Variants in KIAA1328 observed in about 807,000 individuals in gnomAD.
KIAA1328 encodes the protein protein hinderin.
KIAA1328 carries 52 observed loss-of-function variants against 68.1 expected under a neutral mutation model. That is an observed-to-expected ratio of 0.76 (90% confidence interval 0.61 to 0.96). The LOEUF is 0.96. KIAA1328 is among the 40% of genes least tolerant of loss of function. KIAA1328 has a pLI of 0.00. For synonymous variants in KIAA1328, 232 were observed against 239.4 expected, an observed-to-expected ratio of 0.97 and a Z score of 0.28; for missense variants, 641 against 677.6, an observed-to-expected ratio of 0.95 and a Z score of 0.60.
chr18:37,106,774 A>C (rs1440168397), intron 7 of KIAA1328, among the ~76,000 whole-genome samples: 4 of 152,196 alleles, frequency 2.6e-5, no homozygotes, highest in Non-Finnish European at 4.4e-5. Flanking sequence ...AATGCTTTTT[A>C]AAAATTGTTC....
chr18:36,849,897 T>TA (rs764167519), intron 4 of KIAA1328, among the ~76,000 whole-genome samples: 27 of 152,100 alleles, frequency 1.8e-4, no homozygotes, highest in Non-Finnish European at 3.7e-4. Flanking sequence ...TGCTAGTAGA[T>TA]ATGCAGTGGT....
At chr18:36,938,967 A>G (rs530479342) in intron 5 of KIAA1328, among the ~76,000 whole-genome samples, 5 of 152,252 alleles carry the variant, frequency 3.3e-5, no homozygotes, top group East Asian at 3.9e-4. Flanking sequence ...TTTTTATGCC[A>G]GTACCGTGCT....
chr18:36,855,122 T>C (rs1477359376), intron 4 of KIAA1328, among the ~76,000 whole-genome samples: 1 of 152,210 alleles, frequency 6.6e-6, no homozygotes, highest in African/African-American at 2.4e-5. Context: ...AACATTTATG[T>C]ACAAGGATTT....
chr18:37,217,324 T>A (rs2060463941), intron 9 of KIAA1328, among the ~76,000 whole-genome samples: 1 of 152,312 alleles, frequency 6.6e-6, no homozygotes, highest in Admixed American at 6.5e-5. Context: ...CCTTTCCATG[T>A]TTAGTGCTTC....
chr18:37,089,795 T>C (rs2057217910), intron 7 of KIAA1328, among the ~76,000 whole-genome samples: 1 of 152,230 alleles, frequency 6.6e-6, no homozygotes, highest in South Asian at 2.1e-4. Flanking sequence ...TCACATCTTA[T>C]TGGAGTATGC....
intron 6 of KIAA1328, among the ~76,000 whole-genome samples, chr18:37,004,283 C>T (rs2053694606): frequency 6.6e-6 from 1 of 151,808 alleles, no homozygotes; most frequent in Non-Finnish European, 1.5e-5. Flanking sequence ...TGTAATTTTC[C>T]TTGTAGGGGT....
At chr18:37,204,597 T>G (rs1200658947) in intron 9 of KIAA1328, among the ~76,000 whole-genome samples, 1 of 152,178 alleles carries the variant, frequency 6.6e-6, no homozygotes, top group African/African-American at 2.4e-5. Flanking sequence ...GCCAAAGCCC[T>G]TACTGAGTTT....
intron 5 of KIAA1328, among the ~76,000 whole-genome samples, chr18:36,909,988 T>C (rs1168183582): frequency 1.3e-5 from 2 of 152,176 alleles, no homozygotes; most frequent in African/African-American, 4.8e-5. Context: ...TTGTTTTTTT[T>C]GTGTAAATTT....
chr18:37,156,214 C>G (rs1208870673), intron 7 of KIAA1328, among the ~76,000 whole-genome samples: 2 of 151,920 alleles, frequency 1.3e-5, no homozygotes, highest in Non-Finnish European at 2.9e-5. Flanking sequence ...CGAGACCAGC[C>G]TCACCAACAT....
intron 9 of KIAA1328, among the ~76,000 whole-genome samples, chr18:37,180,005 A>G (rs911648257): frequency 5.3e-5 from 8 of 150,700 alleles, no homozygotes; most frequent in Non-Finnish European, 1.2e-4. Context: ...ACAGTGATCT[A>G]TTTTATCTCA....
chr18:37,077,697 G>GAC (rs2056793134), intron 7 of KIAA1328, among the ~76,000 whole-genome samples: 1 of 112,444 alleles, frequency 8.9e-6, no homozygotes, highest in African/African-American at 4.1e-5. Flanking sequence ...AACAGACAGA[G>GAC]AGCCAAATCA....
At position 37,096,237 on chromosome 18, in the gene KIAA1328, C is replaced by T. The variant is rs1231639806; in HGVS notation, c.1232+28692C>T. 3.3e-5 allele frequency among the ~76,000 whole-genome samples: 5 copies of T among 152,298 alleles called. No homozygotes were observed. In the East Asian group the frequency reaches 5.8e-4, roughly 18 times the overall value. On this transcript the variant is annotated intron_variant, in intron 7 of 9. Transcript: ENST00000280020. ...TGCTATCCCTCCCCGCTCCGCCCAC[C>T]CCACAACAGGCCCCGCTGTGTGATG... is the stretch of plus-strand genomic sequence containing the variant.
chr18:37,050,132 G>A (rs1599083739), intron 6 of KIAA1328, among the ~76,000 whole-genome samples: 2 of 151,454 alleles, frequency 1.3e-5, no homozygotes, highest in South Asian at 2.1e-4. Context: ...ATTGTTACTG[G>A]AGGACATAAA....
At chr18:37,139,287 G>A (rs375002271) in intron 7 of KIAA1328, among the ~76,000 whole-genome samples, 3 of 152,022 alleles carry the variant, frequency 2.0e-5, no homozygotes, top group East Asian at 3.9e-4. Flanking sequence ...TAAACACTTC[G>A]GTCTCAAAAT....
At chr18:36,874,440 G>A (rs1239413010) in intron 4 of KIAA1328, among the ~76,000 whole-genome samples, 2 of 152,194 alleles carry the variant, frequency 1.3e-5, no homozygotes, top group Admixed American at 1.3e-4. Flanking sequence ...GACCAGTGGT[G>A]ATGAGCTTTT....
chr18:36,955,072 A>G (rs193062019), intron 5 of KIAA1328, among the ~76,000 whole-genome samples: 42 of 151,660 alleles, frequency 2.8e-4, no homozygotes, highest in African/African-American at 9.9e-4. Flanking sequence ...TAATTAGAGT[A>G]ATTATTTATT....
intron 6 of KIAA1328, among the ~76,000 whole-genome samples, chr18:37,060,943 G>A (rs1005430979): frequency 5.9e-5 from 9 of 151,962 alleles, no homozygotes; most frequent in Non-Finnish European, 1.2e-4. Context: ...TGGTGAAACC[G>A]TGTCTCTACT....
intron 7 of KIAA1328, among the ~76,000 whole-genome samples, chr18:37,157,031 T>C (rs1399888943): frequency 2.0e-5 from 3 of 152,124 alleles, no homozygotes; most frequent in African/African-American, 7.2e-5. Flanking sequence ...TAATGTGTTA[T>C]GAAGACCAAG....
At chr18:36,970,894 C>T (rs1255072271) in intron 6 of KIAA1328, among the ~76,000 whole-genome samples, 3 of 152,160 alleles carry the variant, frequency 2.0e-5, no homozygotes, top group South Asian at 2.1e-4. Context: ...TTTGTTGACT[C>T]AATGCTATCC....
Sources: gnomAD v4.1 joint callset for allele counts (sites outside exome capture counted in the v4.1 genomes callset) on GRCh38, gnomAD v4.1.1 for gene constraint, MANE v1.5 for transcripts, NCBI Gene and HGNC (gene_info 2026-07-23, HGNC 2026-07-21) for gene names.